PRLR: variants seen among roughly 807,000 people sequenced by gnomAD.
PRLR encodes the protein prolactin receptor, also known as hPRL receptor.
A neutral mutation model predicts 40.2 loss-of-function variants in PRLR; 13 were observed. The observed-to-expected ratio is 0.32, with a 90% CI of 0.21 to 0.51. The LOEUF (loss-of-function observed/expected upper bound fraction) is 0.51, where lower values mean the gene tolerates loss of function less well. PRLR is among the 20% of genes least tolerant of loss of function. PRLR has a pLI of 0.97. For synonymous variants in PRLR, 269 were observed against 278.7 expected, an observed-to-expected ratio of 0.97 and a Z score of 0.35; for missense variants, 656 against 747.3, an observed-to-expected ratio of 0.88 and a Z score of 1.42.
chr5:35,158,282 G>A (rs760091733), intron 1 of PRLR, among the ~76,000 whole-genome samples: 2 of 152,174 alleles, frequency 1.3e-5, no homozygotes, highest in Non-Finnish European at 2.9e-5. Flanking sequence ...TTGAGAGCAG[G>A]AGAGGGTCTT....
chr5:35,086,188 G>A lies in PRLR; in HGVS notation c.203+20C>T. On this transcript the variant is annotated intron_variant, in intron 4 of 9. Coordinates refer to ENST00000618457, the MANE Select transcript of PRLR (RefSeq NM_000949.7). ...GGAGTACTCATGTGGGGTTTCATAGGAGAGAAGGGAACTTCTTACCCTTCC... is the reference window on the plus strand; with the variant it reads ...GGAGTACTCATGTGGGGTTTCATAGAAGAGAAGGGAACTTCTTACCCTTCC... 6.2e-7 allele frequency: 1 copy of A among 1,613,380 alleles called. No homozygotes were observed. Among genetic ancestry groups the A allele is most frequent in the Non-Finnish European group, 8.5e-7 (1 of 1,179,584 alleles).
At chr5:35,145,030 G>C (rs1774141939) in intron 1 of PRLR, among the ~76,000 whole-genome samples, 2 of 152,168 alleles carry the variant, frequency 1.3e-5, no homozygotes, top group African/African-American at 4.8e-5. Flanking sequence ...TTAGGAGAAT[G>C]GTGCTCATCT....
chr5:35,089,519 A>T, intron 3 of PRLR, 32 bp downstream of exon 3: 4 of 1,482,212 alleles, frequency 2.7e-6, no homozygotes, highest in Non-Finnish European at 3.8e-6. Context: ...CACCCCAGGC[A>T]ATGAAAGAGA....
rs1289975892 is a variant in PRLR at position 35,068,369 on chromosome 5, G to A, written c.786-84C>T. The A allele has an allele frequency of 2.5e-6, 3 of 1,201,842 alleles. No individual in the cohort carries two copies. The East Asian group carries it at 7.0e-5, about 28-fold the overall frequency. 74.4% of individuals were successfully genotyped at this position (1,201,842 alleles called of 1,614,324 possible). On this transcript the variant is annotated intron_variant, in intron 8 of 9. Transcript: ENST00000618457. ...AAGGTTAGTATAATAGCCACTATAGGGACTGTGATAGAGATAGGACTTGGT... is the reference window on the plus strand; with the variant it reads ...AAGGTTAGTATAATAGCCACTATAGAGACTGTGATAGAGATAGGACTTGGT...
chr5:35,109,175 T>C (rs934913835), intron 2 of PRLR, among the ~76,000 whole-genome samples: 1 of 152,208 alleles, frequency 6.6e-6, no homozygotes, highest in African/African-American at 2.4e-5. Context: ...TGTAGAAAGT[T>C]GAAACTGGAT....
chr5:35,107,931 T>G (rs1372278693), intron 2 of PRLR, among the ~76,000 whole-genome samples: 3 of 152,112 alleles, frequency 2.0e-5, no homozygotes, highest in Non-Finnish European at 2.9e-5. Flanking sequence ...AAAAAGAGAA[T>G]TTTAGACCAA....
chr5:35,156,824 GC>G (rs1333258606), intron 1 of PRLR, among the ~76,000 whole-genome samples: 11 of 152,216 alleles, frequency 7.2e-5, no homozygotes, highest in African/African-American at 2.6e-4. Flanking sequence ...AAGAGCTCCT[GC>G]CCCTGTGGCC....
chr5:35,211,638 T>G (rs539134946), intron 1 of PRLR, among the ~76,000 whole-genome samples: 5 of 152,320 alleles, frequency 3.3e-5, no homozygotes, highest in Non-Finnish European at 7.4e-5. Context: ...ATAGTTAACT[T>G]AAGATACTTG....
At chr5:35,081,467 CA>C in intron 5 of PRLR, 2 of 182,684 alleles carry the variant, frequency 1.1e-5, no homozygotes, top group South Asian at 1.3e-4. Context: ...AATATGACAT[CA>C]AAAAGGTGGT....
At chr5:35,092,545 G>T (rs1771279082) in intron 2 of PRLR, among the ~76,000 whole-genome samples, 3 of 152,084 alleles carry the variant, frequency 2.0e-5, no homozygotes. Flanking sequence ...CTAAGCTGGG[G>T]ATAAATTAGG....
Position 35,084,493 on chromosome 5 carries a change from A to C in PRLR, c.350T>G (p.Leu117Arg). 1 of 1,573,520 alleles carries C rather than the reference A, an allele frequency of 6.4e-7. No homozygotes were observed. Among genetic ancestry groups the C allele is most frequent in the Non-Finnish European group, 8.6e-7 (1 of 1,167,032 alleles). ...NQMGSSFSDE[L>R]YVDVTYIVQP... ...ACCTATGTAAGTCACGTCCACATAA[A>C]GTTCATCCGAGAAACTGCTTCCCAT... The change falls in exon 5 of 10, where the codon CTT becomes CGT. Residue 117 changes from leucine to arginine, a missense_variant. Physicochemically the swap from Leu to Arg is moderately radical, Grantham distance 102 (BLOSUM62 -2). Around this residue, in one of 3 missense-constraint regions of PRLR, gnomAD observed 180 missense variants for 236.8 expected, o/e 0.76. Transcript: ENST00000618457.
chr5:35,200,511 T>G (rs1240632441), intron 1 of PRLR, among the ~76,000 whole-genome samples: 1 of 152,224 alleles, frequency 6.6e-6, no homozygotes, highest in Non-Finnish European at 1.5e-5. Flanking sequence ...CTAATTTTAC[T>G]TAATGTGAAA....
In PRLR at chr5:35,155,750, T is replaced by C. The variant is rs73766758; in HGVS notation, c.-105-37628A>G. 4.4e-3 allele frequency among the ~76,000 whole-genome samples: 675 copies of C among 152,332 alleles called. 5 individuals are homozygous for C. Among genetic ancestry groups the C allele is most frequent in the African/African-American group, 0.015 (637 of 41,572 alleles). On this transcript the variant is annotated intron_variant, in intron 1 of 9. Coordinates refer to ENST00000618457, the MANE Select transcript of PRLR (RefSeq NM_000949.7). ...GGCGTGAAGCTAGAACCAGGGCTTA[T>C]TCCATTGCAACATGGTAGTTTTAGG...
At chr5:35,091,664 T>G (rs929984848) in intron 2 of PRLR, among the ~76,000 whole-genome samples, 28 of 152,100 alleles carry the variant, frequency 1.8e-4, no homozygotes, top group Non-Finnish European at 2.9e-4. Flanking sequence ...CATCAAGCCT[T>G]GGGTGAGTGT....
chr5:35,228,584 A>G (rs1185959930), intron 1 of PRLR, among the ~76,000 whole-genome samples: 2 of 152,240 alleles, frequency 1.3e-5, no homozygotes, highest in Non-Finnish European at 2.9e-5. Context: ...TCTGATTCAG[A>G]CAGCGATCCT....
intron 1 of PRLR, among the ~76,000 whole-genome samples, chr5:35,131,782 A>G (rs2914107): frequency 0.17 from 25,348 of 152,104 alleles, 4,346 homozygotes; most frequent in African/African-American, 0.44. Flanking sequence ...CACCTACCAT[A>G]CAAGCATCCC....
intron 2 of PRLR, among the ~76,000 whole-genome samples, chr5:35,110,277 T>C (rs1772574467): frequency 6.6e-6 from 1 of 152,096 alleles, no homozygotes; most frequent in Non-Finnish European, 1.5e-5. Context: ...GATGGGTTAA[T>C]GGGTGCAGCA....
intron 2 of PRLR, among the ~76,000 whole-genome samples, chr5:35,099,509 A>G (rs1771728390): frequency 6.6e-6 from 1 of 152,224 alleles, no homozygotes; most frequent in Non-Finnish European, 1.5e-5. Flanking sequence ...TATACTTTTT[A>G]TTGTTATTTT....
chr5:35,129,907 A>G lies in PRLR; in HGVS notation c.-105-11785T>C, dbSNP rs538787595. 2.0e-5 allele frequency among the ~76,000 whole-genome samples: 3 copies of G among 152,234 alleles called. No homozygotes were observed. The East Asian group carries it at 5.8e-4, about 30-fold the overall frequency. On this transcript the variant is annotated intron_variant, in intron 1 of 9. Coordinates refer to ENST00000618457, the MANE Select transcript of PRLR (RefSeq NM_000949.7). ...GAAAGAGAAGTGAGCTTGTGGCACAAGGATATCTGTCCAGAATCCAAGAAG... is the reference window on the plus strand; with the variant it reads ...GAAAGAGAAGTGAGCTTGTGGCACAGGGATATCTGTCCAGAATCCAAGAAG...
Sources: allele counts gnomAD v4.1 joint callset (sites outside exome capture counted in the v4.1 genomes callset), GRCh38; gene constraint gnomAD v4.1.1; regional missense constraint gnomAD v4.1.1; transcripts MANE v1.5; gene names NCBI Gene and HGNC (gene_info 2026-07-23, HGNC 2026-07-21).